Variants in CNTN5 observed in about 807,000 individuals in gnomAD.
The protein encoded by CNTN5 is contactin 5.
CNTN5 carries 77 observed loss-of-function variants against 129.1 expected under a neutral mutation model. That is an observed-to-expected ratio of 0.60 (90% CI 0.50 to 0.72). The LOEUF is 0.72. Ranked by LOEUF, CNTN5 falls within the 30% of genes least tolerant of loss-of-function variation. The pLI is 0.00. For synonymous variants in CNTN5, 509 were observed against 465.6 expected, an observed-to-expected ratio of 1.09 and a Z score of -1.20; for missense variants, 1,478 against 1,328.8, an observed-to-expected ratio of 1.11 and a Z score of -1.75.
intron 2 of CNTN5, among the ~76,000 whole-genome samples, chr11:99,440,050 T>A (rs1006729023): frequency 5.3e-5 from 8 of 152,174 alleles, no homozygotes; most frequent in African/African-American, 1.9e-4. Flanking sequence ...TTAGTATTTC[T>A]GTGGTTATAC....
At chr11:100,336,130 G>T (rs1470088337) in intron 21 of CNTN5, among the ~76,000 whole-genome samples, 2 of 152,102 alleles carry the variant, frequency 1.3e-5, no homozygotes, top group Non-Finnish European at 2.9e-5. Context: ...ATTATATGTG[G>T]CTTAAAATAC....
chr11:100,246,397 CTT>C (rs1211247115), intron 16 of CNTN5, among the ~76,000 whole-genome samples: 1 of 151,974 alleles, frequency 6.6e-6, no homozygotes, highest in Non-Finnish European at 1.5e-5. Context: ...GTCCAAATCT[CTT>C]TTCTTTAGAT....
At chr11:99,298,825 C>G (rs1009071449) in intron 1 of CNTN5, among the ~76,000 whole-genome samples, 5 of 151,914 alleles carry the variant, frequency 3.3e-5, no homozygotes. Context: ...TGAGATAAAC[C>G]CCCCTCCAAC....
chr11:99,218,631 T>C (rs1336139170), intron 1 of CNTN5, among the ~76,000 whole-genome samples: 1 of 152,152 alleles, frequency 6.6e-6, no homozygotes, highest in Non-Finnish European at 1.5e-5. Flanking sequence ...CTCACCATTA[T>C]GTATTTGGGT....
intron 1 of CNTN5, among the ~76,000 whole-genome samples, chr11:99,069,381 A>G (rs1226929978): frequency 6.6e-6 from 1 of 152,092 alleles, no homozygotes; most frequent in Admixed American, 6.6e-5. Context: ...TGAAAAAGAG[A>G]GTTTGTAAAT....
chr11:99,233,340 T>G (rs2135735096), intron 1 of CNTN5, among the ~76,000 whole-genome samples: 1 of 152,276 alleles, frequency 6.6e-6, no homozygotes, highest in East Asian at 1.9e-4. Context: ...ACTTCCAATT[T>G]GAAACAACAA....
intron 8 of CNTN5, among the ~76,000 whole-genome samples, chr11:99,989,348 G>A (rs899904549): frequency 4.1e-4 from 63 of 151,908 alleles, no homozygotes; most frequent in African/African-American, 1.5e-3. Flanking sequence ...TCAAAGAAGT[G>A]TTATTGGCTG....
chr11:99,186,399 C>T (rs982167009), intron 1 of CNTN5, among the ~76,000 whole-genome samples: 1 of 151,832 alleles, frequency 6.6e-6, no homozygotes. Flanking sequence ...ACAGTATTTT[C>T]TGTTTATTGG....
intron 3 of CNTN5, among the ~76,000 whole-genome samples, chr11:99,735,374 T>G (rs1943671610): frequency 1.3e-5 from 2 of 152,154 alleles, no homozygotes; most frequent in African/African-American, 4.8e-5. Context: ...GTACAAAATT[T>G]TAAAAAGTAG....
chr11:99,026,494 C>T (rs11218098), intron 1 of CNTN5, among the ~76,000 whole-genome samples: 57,990 of 151,370 alleles, frequency 0.38, 13,951 homozygotes, highest in East Asian at 0.66. Flanking sequence ...CTTCCTCCTT[C>T]TGTGATGCTG....
intron 2 of CNTN5, among the ~76,000 whole-genome samples, chr11:99,345,327 G>A (rs963350570): frequency 2.6e-5 from 4 of 152,082 alleles, no homozygotes; most frequent in African/African-American, 9.7e-5. Context: ...GACGTAAACT[G>A]AATCTAATGA....
chr11:99,770,887 C>T (rs927983332), intron 3 of CNTN5, among the ~76,000 whole-genome samples: 3 of 152,068 alleles, frequency 2.0e-5, no homozygotes, highest in African/African-American at 7.2e-5. Flanking sequence ...GGAGGCATCA[C>T]AGCTTTATGA....
intron 2 of CNTN5, among the ~76,000 whole-genome samples, chr11:99,446,888 G>A (rs1337337653): frequency 3.3e-5 from 5 of 152,134 alleles, no homozygotes; most frequent in Admixed American, 1.3e-4. Flanking sequence ...TCTTAGCCTG[G>A]CTTTCAAAGA....
At chr11:99,468,253 A>T (rs1945022919) in intron 2 of CNTN5, among the ~76,000 whole-genome samples, 1 of 152,154 alleles carries the variant, frequency 6.6e-6, no homozygotes, top group African/African-American at 2.4e-5. Flanking sequence ...ACATGTCTCC[A>T]TTCTGTGAGT....
chr11:100,102,506 G>C (rs1173717711), intron 13 of CNTN5, among the ~76,000 whole-genome samples: 1 of 152,004 alleles, frequency 6.6e-6, no homozygotes, highest in Non-Finnish European at 1.5e-5. Flanking sequence ...TTTGGAATAA[G>C]AGACGTGGGA....
chr11:99,317,337 T>C (rs941929260), intron 1 of CNTN5, among the ~76,000 whole-genome samples: 1 of 152,152 alleles, frequency 6.6e-6, no homozygotes, highest in Non-Finnish European at 1.5e-5. Context: ...GGAGAAAATT[T>C]CTAGTTATCT....
At chr11:99,468,245 A>T (rs2515379) in intron 2 of CNTN5, among the ~76,000 whole-genome samples, 1 of 152,102 alleles carries the variant, frequency 6.6e-6, no homozygotes, top group Non-Finnish European at 1.5e-5. Flanking sequence ...ATAAGTATAC[A>T]TGTCTCCATT....
chr11:100,108,226 T>C (rs563850240), intron 13 of CNTN5, among the ~76,000 whole-genome samples: 2 of 152,182 alleles, frequency 1.3e-5, no homozygotes, highest in Admixed American at 1.3e-4. Flanking sequence ...CAAATGTTAT[T>C]GAGCTTGGAT....
intron 3 of CNTN5, among the ~76,000 whole-genome samples, chr11:99,669,669 C>T (rs777779275): frequency 6.6e-5 from 10 of 152,188 alleles, no homozygotes; most frequent in Non-Finnish European, 1.3e-4. Flanking sequence ...AGACCTACAA[C>T]GAATCCTACC....
Sources: gnomAD v4.1 joint callset for allele counts (sites outside exome capture counted in the v4.1 genomes callset) on GRCh38, gnomAD v4.1.1 for gene constraint, MANE v1.5 for transcripts, NCBI Gene and HGNC (gene_info 2026-07-23, HGNC 2026-07-21) for gene names.